Variants in ZNF92 observed in about 807,000 individuals in gnomAD.
The protein encoded by ZNF92 is zinc finger protein 92, also known as epididymis luminal protein 203.
Under a neutral mutation model 12.4 loss-of-function variants are expected in ZNF92, and 11 were observed. The ratio of observed to expected loss-of-function variants is 0.89; its 90% CI spans 0.56 to 1.47. The LOEUF is 1.47. ZNF92 is among the 40% of genes most tolerant of loss of function. The pLI is 0.00. For missense variants in ZNF92, 622 were observed against 681.0 expected (o/e 0.91, Z 0.96); for synonymous variants, 206 against 228.6 (o/e 0.90, Z 0.89).
At position 65,387,812 on chromosome 7, in the gene ZNF92, CTT is replaced by C. The variant is rs1176855383; in HGVS notation, c.4-88_4-87del. 13 of 1,424,466 alleles carry C rather than the reference CTT, an allele frequency of 9.1e-6. No individual in the cohort carries two copies. In the Admixed American group the frequency reaches 2.0e-4, roughly 22 times the overall value. 88.2% of individuals were successfully genotyped at this position (1,424,466 alleles called of 1,614,324 possible). A position where few individuals can be genotyped will look rare whatever the true frequency, so the allele number is the denominator to read the frequency against. On this transcript the variant is annotated intron_variant, in intron 1 of 3. Coordinates refer to ENST00000328747, the MANE Select transcript of ZNF92 (RefSeq NM_152626.4). ...TAAGTCAGAACTTGTTCTCTTTACT[CTT>C]TCATTTCACCTTAAGTCAAATAAAA...
chr7:65,376,746 A>G (rs1793253458), intron 1 of ZNF92, among the ~76,000 whole-genome samples: 2 of 152,108 alleles, frequency 1.3e-5, no homozygotes, highest in East Asian at 3.9e-4. Context: ...CGCCTAGCCC[A>G]CTTGTGTTTT....
Position 65,386,817 on chromosome 7 carries a change from A to C in ZNF92, c.4-1085A>C, listed in dbSNP as rs188657195. 7.9e-5 allele frequency among the ~76,000 whole-genome samples: 12 copies of C among 152,234 alleles called. 1 individual carries two copies. The East Asian group carries it at 2.3e-3, about 29-fold the overall frequency. On this transcript the variant is annotated intron_variant, in intron 1 of 3. Transcript: ENST00000328747. ...GTCCTTCTGTTCATCAGCACATTAT[A>C]AAAATTTGTCCTAGTTCAGTTGATA...
At position 65,399,310 on chromosome 7, in the gene ZNF92, G is replaced by A. The variant is rs758800475; in HGVS notation, c.1196G>A (p.Cys399Tyr). Residue 399 changes from cysteine to tyrosine, a missense_variant, in exon 4 of 4, where the codon TGT becomes TAT. Cys to Tyr is a radical substitution (Grantham distance 194). Coordinates refer to ENST00000328747, the MANE Select transcript of ZNF92 (RefSeq NM_152626.4). ...CATACGGGAGAAAAACCCTACAAAT[G>A]TGAAGAATGTGGCAAAGCTTTTAAA... ...RIHTGEKPYKCEECGKAFKQS... is the reference protein window; with the variant it reads ...RIHTGEKPYKYEECGKAFKQS... The A allele has an allele frequency of 3.7e-6, 6 of 1,612,862 alleles. No individual in the cohort carries two copies. In the African/African-American group the frequency reaches 4.0e-5, roughly 11 times the overall value.
intron 1 of ZNF92, among the ~76,000 whole-genome samples, chr7:65,386,939 C>CT (rs34718120): frequency 0.26 from 33,826 of 129,636 alleles, 5,834 homozygotes; most frequent in African/African-American, 0.46. Context: ...TTTCTTTCTT[C>CT]TTTTTTTTTT....
chr7:65,399,390 A>G lies in ZNF92; in HGVS notation c.1276A>G (p.Lys426Glu). The G allele has an allele frequency of 6.2e-7, 1 of 1,613,678 alleles. No homozygotes were observed. The highest frequency in any genetic ancestry group is 8.5e-7 in the Non-Finnish European group (1 of 1,179,790). Reference sequence around the variant, plus strand: ...AATTCATACTGGAGAGAAACCCTACAAATGTGAAAAATGTGGCAAGGCCTT... The same window carrying G: ...AATTCATACTGGAGAGAAACCCTACGAATGTGAAAAATGTGGCAAGGCCTT... The part of the protein sequence containing the change: ...KIIHTGEKPY[K>E]CEKCGKAFSW... Residue 426 changes from lysine to glutamate, a missense_variant, in exon 4 of 4, where the codon AAA becomes GAA. Coordinates refer to ENST00000328747, the MANE Select transcript of ZNF92 (RefSeq NM_152626.4).
Position 65,373,934 on chromosome 7 carries a change from C to T in ZNF92, c.-64C>T, listed in dbSNP as rs1793159175. 6 of 1,611,916 alleles carry T rather than the reference C, an allele frequency of 3.7e-6. No homozygotes were observed. The highest frequency in any genetic ancestry group is 1.7e-5 in the Admixed American group (1 of 60,012). On this transcript the variant is annotated 5_prime_UTR_variant, in exon 1 of 4. Coordinates refer to ENST00000328747, the MANE Select transcript of ZNF92 (RefSeq NM_152626.4). ...GCTGATAAAGGCTCGCCGCTGTGAC[C>T]CTGTTACCTGCAAGAACTTGGAGGT...
chr7:65,398,437 A>T lies in ZNF92; in HGVS notation c.323A>T (p.His108Leu), dbSNP rs1793902631. ...VILRTYGKYG[H>L]ENLQLRKDHK... The stretch of plus-strand genomic sequence containing the variant: ...CTGAGAACATATGGAAAATATGGAC[A>T]TGAGAATTTACAGCTAAGAAAAGAC... The change falls in exon 4 of 4, where the codon CAT (histidine) becomes CTT (leucine). Residue 108 changes from histidine (H) to leucine (L), a missense_variant. His to Leu is a moderately conservative substitution (Grantham distance 99). Transcript: ENST00000328747. The T allele has an allele frequency of 6.2e-7, 1 of 1,613,122 alleles. No homozygotes were observed. The highest frequency in any genetic ancestry group is 8.5e-7 in the Non-Finnish European group (1 of 1,179,636).
chr7:65,386,499 A>G (rs1336415076), intron 1 of ZNF92, among the ~76,000 whole-genome samples: 1 of 152,094 alleles, frequency 6.6e-6, no homozygotes, highest in Non-Finnish European at 1.5e-5. Context: ...CAAGGAGAAC[A>G]TGTAATATTG....
chr7:65,377,553 A>T (rs1793278838), intron 1 of ZNF92, among the ~76,000 whole-genome samples: 1 of 151,600 alleles, frequency 6.6e-6, no homozygotes, highest in Admixed American at 6.6e-5. Context: ...TTGTTTATTT[A>T]TTTTTTTTGA....
chr7:65,395,048 CAT>C (rs1268940694), intron 3 of ZNF92, among the ~76,000 whole-genome samples: 1 of 152,086 alleles, frequency 6.6e-6, no homozygotes, highest in African/African-American at 2.4e-5. Flanking sequence ...GGTCAGAAAA[CAT>C]ACCATTTATT....
intron 3 of ZNF92, 51 bp from the exon 4 acceptor site, chr7:65,398,290 A>G (rs756794461): frequency 1.5e-5 from 21 of 1,400,702 alleles, no homozygotes; most frequent in South Asian, 3.3e-5. Flanking sequence ...TGTAAAGTAT[A>G]TTCATCTGAG....
chr7:65,374,704 CA>C (rs912463554), intron 1 of ZNF92, among the ~76,000 whole-genome samples: 2 of 151,766 alleles, frequency 1.3e-5, no homozygotes, highest in African/African-American at 4.8e-5. Flanking sequence ...CTCCCCCCGC[CA>C]AAAATGCATT....
At position 65,387,611 on chromosome 7, in the gene ZNF92, C is replaced by T. The variant is rs946023872; in HGVS notation, c.4-291C>T. ...CTTTTCCATCTGAAACATATACACT[C>T]AGAAATGTACGTTTGTGTTCATGCC... On this transcript the variant is annotated intron_variant, in intron 1 of 3. Transcript: ENST00000328747. Among the ~76,000 whole-genome samples, 5 of 152,110 alleles carry T rather than the reference C, an allele frequency of 3.3e-5. No homozygotes were observed. The South Asian group carries it at 1.0e-3, about 32-fold the overall frequency.
At chr7:65,392,538 A>ATTTTTTT (rs35255435) in intron 3 of ZNF92, among the ~76,000 whole-genome samples, 1 of 141,518 alleles carries the variant, frequency 7.1e-6, no homozygotes, top group African/African-American at 2.6e-5. Flanking sequence ...TTGAGCCCAC[A>ATTTTTTT]TTTTTTTTTT....
rs968704817 is a variant in ZNF92, at chr7:65,380,595, C to G, written c.3+6595C>G. Among the ~76,000 whole-genome samples the G allele has an allele frequency of 1.3e-5, 2 of 152,098 alleles. 1 individual carries two copies. Among genetic ancestry groups the G allele is most frequent in the African/African-American group, 4.8e-5 (2 of 41,408 alleles). ...CCACAATGTATTTTCTTTATCTAGC[C>G]TACCATTGAGGGTATTTAGGTTAAT... On this transcript the variant is annotated intron_variant, in intron 1 of 3. Transcript: ENST00000328747.
intron 2 of ZNF92, 122 bp downstream of exon 2, chr7:65,388,150 A>T (rs1393420550): frequency 8.9e-7 from 1 of 1,125,610 alleles, no homozygotes; most frequent in African/African-American, 1.6e-5. Flanking sequence ...TTTTCAAGAA[A>T]ACAGAGATTT....
intron 1 of ZNF92, among the ~76,000 whole-genome samples, chr7:65,380,410 C>T (rs1793374586): frequency 6.6e-6 from 1 of 151,982 alleles, no homozygotes. Context: ...GGGACTACAG[C>T]GTGCACGACC....
chr7:65,377,703 AC>A (rs1264516820), intron 1 of ZNF92, among the ~76,000 whole-genome samples: 1 of 151,888 alleles, frequency 6.6e-6, no homozygotes, highest in Non-Finnish European at 1.5e-5. Context: ...AGTAGCTGGG[AC>A]TACAGGCTCG....
chr7:65,386,180 C>T (rs1053039729), intron 1 of ZNF92, among the ~76,000 whole-genome samples: 9 of 151,872 alleles, frequency 5.9e-5, no homozygotes, highest in South Asian at 2.1e-4. Flanking sequence ...CCACCATGCC[C>T]GGCTAATTTT....
Sources: gnomAD v4.1 joint callset for allele counts (sites outside exome capture counted in the v4.1 genomes callset) on GRCh38, gnomAD v4.1.1 for gene constraint, MANE v1.5 for transcripts, NCBI Gene and HGNC (gene_info 2026-07-23, HGNC 2026-07-21) for gene names.